AKAP6: variants seen among roughly 807,000 people sequenced by gnomAD.
AKAP6 encodes the protein A-kinase anchoring protein 6, also known as A-kinase anchor protein 6.
Under a neutral mutation model 188.5 loss-of-function variants are expected in AKAP6, and 58 were observed. That is an observed-to-expected ratio of 0.31 (90% CI 0.25 to 0.38). The LOEUF is 0.38. AKAP6 is among the 10% of genes least tolerant of loss of function. AKAP6 has a pLI of 1.00. For synonymous variants in AKAP6, 989 were observed against 998.6 expected, an observed-to-expected ratio of 0.99 and a Z score of 0.18; for missense variants, 2,710 against 2,740.0, an observed-to-expected ratio of 0.99 and a Z score of 0.24.
intron 2 of AKAP6, among the ~76,000 whole-genome samples, chr14:32,509,877 C>T (rs1274487036): frequency 6.6e-6 from 1 of 152,092 alleles, no homozygotes; most frequent in Non-Finnish European, 1.5e-5. Flanking sequence ...TGTCTATTTA[C>T]GTTTGCCGTA....
intron 1 of AKAP6, among the ~76,000 whole-genome samples, chr14:32,351,043 G>A (rs1039941235): frequency 1.6e-4 from 24 of 152,026 alleles, no homozygotes; most frequent in Admixed American, 3.9e-4. Flanking sequence ...CCGGAATCTC[G>A]AACTTGGTTT....
rs144977662 is a variant in AKAP6, at chr14:32,394,034, C to G, written c.-34-39426C>G. On this transcript the variant is annotated intron_variant, in intron 1 of 13. Coordinates refer to ENST00000280979, the MANE Select transcript of AKAP6 (RefSeq NM_004274.5). ...TAAAATCAATAATAATCATCAAATG[C>G]TCTCACCTACAGAGTCATGTTAAAT... 1.0e-3 allele frequency among the ~76,000 whole-genome samples: 153 copies of G among 152,230 alleles called. 1 individual carries two copies. Among genetic ancestry groups the G allele is most frequent in the Non-Finnish European group, 5.9e-5 (4 of 68,014 alleles).
chr14:32,510,221 T>C (rs886242937), intron 2 of AKAP6, among the ~76,000 whole-genome samples: 1 of 151,616 alleles, frequency 6.6e-6, no homozygotes, highest in African/African-American at 2.4e-5. Flanking sequence ...TATAATGCAC[T>C]CATCATTGCC....
intron 5 of AKAP6, among the ~76,000 whole-genome samples, chr14:32,587,255 TC>T (rs1211860645): frequency 6.6e-6 from 1 of 152,220 alleles, no homozygotes; most frequent in Non-Finnish European, 1.5e-5. Context: ...ATAGGGGCTT[TC>T]TATATATTAA....
chr14:32,352,462 G>A (rs1887320551), intron 1 of AKAP6, among the ~76,000 whole-genome samples: 1 of 152,034 alleles, frequency 6.6e-6, no homozygotes, highest in South Asian at 2.1e-4. Flanking sequence ...ATACAAGATT[G>A]TTAACTAGTC....
intron 1 of AKAP6, among the ~76,000 whole-genome samples, chr14:32,353,053 AT>A (rs35526201): frequency 0.32 from 47,902 of 149,632 alleles, 8,228 homozygotes; most frequent in African/African-American, 0.47. Flanking sequence ...TCATACCAGC[AT>A]TTTTTTTTTG....
At chr14:32,648,083 G>A (rs1274759267) in intron 7 of AKAP6, among the ~76,000 whole-genome samples, 4 of 151,996 alleles carry the variant, frequency 2.6e-5, no homozygotes, top group South Asian at 2.1e-4. Flanking sequence ...CTGTTAGTTC[G>A]CCTCAGTATC....
At chr14:32,797,308 G>T (rs558704980) in intron 12 of AKAP6, among the ~76,000 whole-genome samples, 1 of 151,632 alleles carries the variant, frequency 6.6e-6, no homozygotes, top group African/African-American at 2.4e-5. Flanking sequence ...AAAGATACAT[G>T]CATGCATATA....
chr14:32,606,925 T>C (rs2139370070), intron 7 of AKAP6, among the ~76,000 whole-genome samples: 1 of 152,312 alleles, frequency 6.6e-6, no homozygotes, highest in South Asian at 2.1e-4. Flanking sequence ...GGCCTTTGAC[T>C]TGGGTATATT....
At position 32,367,882 on chromosome 14, in the gene AKAP6, C is replaced by T. The variant is rs147089624; in HGVS notation, c.-35+38474C>T. ...TAAAAATAGTCCAGCTTTACATCTC[C>T]ACCAACTCACAGTTTGGCCTATTAT... On this transcript the variant is annotated intron_variant, in intron 1 of 13. Transcript: ENST00000280979. Among the ~76,000 whole-genome samples the T allele has an allele frequency of 6.3e-3, 959 of 152,282 alleles. 7 individuals are homozygous for T. Among genetic ancestry groups the T allele is most frequent in the Middle Eastern group, 0.024 (7 of 294 alleles).
intron 7 of AKAP6, among the ~76,000 whole-genome samples, chr14:32,628,443 G>C (rs931305477): frequency 6.6e-6 from 1 of 152,000 alleles, no homozygotes; most frequent in East Asian, 1.9e-4. Flanking sequence ...CCTCCACAGA[G>C]CTGTTATTAG....
chr14:32,695,630 G>A (rs35461602), intron 8 of AKAP6, among the ~76,000 whole-genome samples: 16,981 of 152,180 alleles, frequency 0.11, 1,017 homozygotes, highest in Admixed American at 0.15. Context: ...CCTTCTACAA[G>A]TCACTGACTC....
rs916766628 is a variant in AKAP6 at position 32,831,911 on chromosome 14, T to A, written c.*2106T>A. 27 of 152,206 alleles carry A rather than the reference T, an allele frequency of 1.8e-4. No individual in the cohort carries two copies. Among genetic ancestry groups the A allele is most frequent in the African/African-American group, 6.5e-4 (27 of 41,458 alleles). The allele number at this position is 152,206 out of a possible 1,614,324, so 9.4% of individuals were successfully genotyped here. ...GGTAATAAGGACACTTTGTACAGGCTGTTTTGCACCTGATTTTATTTATCA... is the reference window on the plus strand; with the variant it reads ...GGTAATAAGGACACTTTGTACAGGCAGTTTTGCACCTGATTTTATTTATCA... On this transcript the variant is annotated 3_prime_UTR_variant, in exon 14 of 14. Transcript: ENST00000280979.
chr14:32,338,611 C>T (rs909987933), intron 1 of AKAP6, among the ~76,000 whole-genome samples: 3 of 152,110 alleles, frequency 2.0e-5, no homozygotes, highest in Non-Finnish European at 4.4e-5. Context: ...CATCTCCTGA[C>T]ACCCTATACC....
At chr14:32,817,603 A>T (rs2140133270) in intron 12 of AKAP6, among the ~76,000 whole-genome samples, 1 of 151,948 alleles carries the variant, frequency 6.6e-6, no homozygotes. Context: ...CCTTGCATGA[A>T]TTAATTCAGA....
intron 7 of AKAP6, among the ~76,000 whole-genome samples, chr14:32,613,500 T>C (rs1297560980): frequency 1.3e-5 from 2 of 152,208 alleles, no homozygotes; most frequent in South Asian, 4.1e-4. Flanking sequence ...AAAACTCCTC[T>C]GTCTCATTTC....
rs2034877512 is a variant in AKAP6, at chr14:32,836,553, C to T, written c.*6748C>T. 1 of 152,128 alleles carries T rather than the reference C, an allele frequency of 6.6e-6. No individual in the cohort carries two copies. Among genetic ancestry groups the T allele is most frequent in the African/African-American group, 2.4e-5 (1 of 41,428 alleles). The allele number at this position is 152,128 out of a possible 1,614,324, so 9.4% of individuals were successfully genotyped here. A position where few individuals can be genotyped will look rare whatever the true frequency, so the allele number is the denominator to read the frequency against. On this transcript the variant is annotated 3_prime_UTR_variant, in exon 14 of 14. Coordinates refer to ENST00000280979, the MANE Select transcript of AKAP6 (RefSeq NM_004274.5). ...ATTAGTAAACAATTTCCAGTGAATA[C>T]TCTGCCCCATTCTCTCCTACTCAAG...
chr14:32,430,053 ACAAAAC>A (rs1454471544), intron 1 of AKAP6, among the ~76,000 whole-genome samples: 2 of 152,224 alleles, frequency 1.3e-5, no homozygotes, highest in Non-Finnish European at 2.9e-5. Context: ...ATAATGACTT[ACAAAAC>A]GCTGTTTTCA....
intron 12 of AKAP6, among the ~76,000 whole-genome samples, chr14:32,783,566 G>A (rs2033315757): frequency 1.3e-5 from 2 of 152,086 alleles, no homozygotes; most frequent in South Asian, 4.1e-4. Context: ...CTGGCAGTGA[G>A]TATCCTTGTC....
Sources: allele counts gnomAD v4.1 joint callset (sites outside exome capture counted in the v4.1 genomes callset), GRCh38; gene constraint gnomAD v4.1.1; transcripts MANE v1.5; gene names NCBI Gene and HGNC (gene_info 2026-07-23, HGNC 2026-07-21).